The following LRRIQ3 variants were observed in gnomAD, a reference collection of about 807,000 sequenced individuals.
LRRIQ3 encodes leucine-rich repeat and IQ domain-containing protein 3.
LRRIQ3 carries 75 observed loss-of-function variants against 59.3 expected under a neutral mutation model. The ratio of observed to expected loss-of-function variants is 1.26; its 90% CI spans 1.05 to 1.53. The LOEUF (loss-of-function observed/expected upper bound fraction) is 1.53, where lower values mean the gene tolerates loss of function less well. LRRIQ3 is among the 40% of genes most tolerant of loss of function. The probability of loss-of-function intolerance (pLI) is 0.00; values close to 1 mark genes in which losing one functional copy is unlikely to be tolerated. For synonymous variants in LRRIQ3, 250 were observed against 231.3 expected (o/e 1.08, Z -0.73); for missense variants, 831 against 710.0 (o/e 1.17, Z -1.94).
chr1:74,146,332 G>A (rs1647568120), intron 4 of LRRIQ3, among the ~76,000 whole-genome samples: 1 of 152,070 alleles, frequency 6.6e-6, no homozygotes, highest in African/African-American at 2.4e-5. Context: ...CATTATATAT[G>A]TTCCATGATA....
At chr1:74,056,146 AAAATAAATAAATAAATAAATAAAT>A (rs34325293) in intron 6 of LRRIQ3, among the ~76,000 whole-genome samples, 2 of 142,668 alleles carry the variant, frequency 1.4e-5, no homozygotes, top group South Asian at 4.6e-4. Flanking sequence ...ATCTGTCTCA[AAAATAAATAAATAAATAAATAAAT>A]AAATAAATAA....
In LRRIQ3 at chr1:74,136,693, A is replaced by T. The variant is rs193075492; in HGVS notation, c.707+19040T>A. Among the ~76,000 whole-genome samples, 348 of 152,010 alleles carry T rather than the reference A, an allele frequency of 2.3e-3. 2 individuals are homozygous for T. The highest frequency in any genetic ancestry group is 4.0e-3 in the Non-Finnish European group (269 of 67,922). Reference sequence around the variant, plus strand: ...TCTATTACTTTGGTTATTCCAGTCAATTTCTCAGAGGCAAATTGGGAAGAC... The same window carrying T: ...TCTATTACTTTGGTTATTCCAGTCATTTTCTCAGAGGCAAATTGGGAAGAC... On this transcript the variant is annotated intron_variant, in intron 4 of 7. Coordinates refer to ENST00000354431, the MANE Select transcript of LRRIQ3 (RefSeq NM_001105659.2).
intron 4 of LRRIQ3, among the ~76,000 whole-genome samples, chr1:74,142,023 T>C (rs1570196006): frequency 6.6e-6 from 1 of 151,532 alleles, no homozygotes; most frequent in Non-Finnish European, 1.5e-5. Flanking sequence ...CACAAACATA[T>C]ATAACAATTT....
At chr1:74,051,607 C>T (rs1654371254) in intron 6 of LRRIQ3, among the ~76,000 whole-genome samples, 2 of 152,040 alleles carry the variant, frequency 1.3e-5, no homozygotes, top group African/African-American at 2.4e-5. Flanking sequence ...ATTTTCATCA[C>T]CCCAAACAGA....
At chr1:74,122,609 G>A (rs1424777526) in intron 4 of LRRIQ3, among the ~76,000 whole-genome samples, 1 of 152,058 alleles carries the variant, frequency 6.6e-6, no homozygotes, top group Non-Finnish European at 1.5e-5. Flanking sequence ...ATGGTGCTGG[G>A]AAAACTGGCT....
At chr1:74,028,581 T>C (rs1224728587) in intron 7 of LRRIQ3, among the ~76,000 whole-genome samples, 3 of 152,138 alleles carry the variant, frequency 2.0e-5, no homozygotes, top group South Asian at 2.1e-4. Context: ...CATGTGGTGA[T>C]GCCCAGGGTG....
rs190706568 is a variant in LRRIQ3, at chr1:74,122,665, T to C, written c.708-13112A>G. Among the ~76,000 whole-genome samples, 15 of 152,222 alleles carry C rather than the reference T, an allele frequency of 9.9e-5. No homozygotes were observed. The East Asian group carries it at 2.5e-3, about 26-fold the overall frequency. On this transcript the variant is annotated intron_variant, in intron 4 of 7. Coordinates refer to ENST00000354431, the MANE Select transcript of LRRIQ3 (RefSeq NM_001105659.2). The stretch of plus-strand genomic sequence containing the variant: ...AACTGGATGCCTTCCTTACACCTTA[T>C]ACAAAAATTAATTCAAGATGGATTA...
At position 74,183,629 on chromosome 1, in the gene LRRIQ3, T is replaced by C. The variant is rs747685670; in HGVS notation, c.56A>G (p.Tyr19Cys). ...ELTSHEEWSH[Y>C]NENIREGQKD... ...TTGACCTTCTCTTATGTTTTCATTATAGTGACTCCATTCTTCATGACTGGT... is the reference window on the plus strand; with the variant it reads ...TTGACCTTCTCTTATGTTTTCATTACAGTGACTCCATTCTTCATGACTGGT... Residue 19 changes from tyrosine to cysteine, a missense_variant, in exon 2 of 8, where the codon TAT becomes TGT. Transcript: ENST00000354431. The C allele has an allele frequency of 4.3e-6, 7 of 1,611,476 alleles. No individual in the cohort carries two copies. The highest frequency in any genetic ancestry group is 2.7e-5 in the African/African-American group (2 of 74,834).
chr1:74,033,855 C>A (rs1041163563), intron 7 of LRRIQ3, among the ~76,000 whole-genome samples: 7 of 151,914 alleles, frequency 4.6e-5, no homozygotes, highest in Non-Finnish European at 1.0e-4. Context: ...CTCTTCCATG[C>A]TAAGTGATAC....
chr1:74,096,545 A>G (rs1217656426), intron 5 of LRRIQ3, among the ~76,000 whole-genome samples: 1 of 151,870 alleles, frequency 6.6e-6, no homozygotes, highest in Non-Finnish European at 1.5e-5. Context: ...CCTTCTCGCA[A>G]CTCGTTAAAG....
In LRRIQ3 at chr1:74,026,828, A is replaced by G; in HGVS notation, c.1860T>C (p.Asn620=). The change falls in exon 8 of 8, where the codon AAT becomes AAC. Residue 620 remains asparagine, a synonymous_variant. Transcript: ENST00000354431. ...TGGCATTGATTCATTTTATCAGTCC[A>G]TTGGGAACTTTAAAGTCTAAATTTG... ...VKTNLDFKVP[N]GLIK 1 of 1,607,006 alleles carries G rather than the reference A, an allele frequency of 6.2e-7. No individual in the cohort carries two copies. Among genetic ancestry groups the G allele is most frequent in the South Asian group, 1.1e-5 (1 of 90,002 alleles).
chr1:74,118,989 G>T (rs1201735093), intron 4 of LRRIQ3, among the ~76,000 whole-genome samples: 1 of 152,112 alleles, frequency 6.6e-6, no homozygotes, highest in Non-Finnish European at 1.5e-5. Flanking sequence ...AAATTTAAAT[G>T]TTAATCACAT....
In LRRIQ3 at chr1:74,198,145, G is replaced by C. The variant is rs1651362388; in HGVS notation, c.-150C>G. Reference sequence around the variant, plus strand: ...AAGTTCTCCACATCATGGTTTTCCGGGCGCCAGCCAAGGCGCTCCGGGGGC... The same window carrying C: ...AAGTTCTCCACATCATGGTTTTCCGCGCGCCAGCCAAGGCGCTCCGGGGGC... On this transcript the variant is annotated 5_prime_UTR_variant, in exon 1 of 8. Transcript: ENST00000354431. 6.7e-7 allele frequency: 1 copy of C among 1,487,698 alleles called. No individual in the cohort carries two copies. The highest frequency in any genetic ancestry group is 8.9e-7 in the Non-Finnish European group (1 of 1,121,740). 92.2% of individuals were successfully genotyped at this position (1,487,698 alleles called of 1,614,324 possible).
chr1:74,031,294 T>C (rs1010193493), intron 7 of LRRIQ3, among the ~76,000 whole-genome samples: 3 of 152,164 alleles, frequency 2.0e-5, no homozygotes, highest in Non-Finnish European at 4.4e-5. Flanking sequence ...ATCATGCTGC[T>C]ATAAAGACAC....
chr1:74,064,462 A>G (rs1217230980), intron 6 of LRRIQ3, among the ~76,000 whole-genome samples: 1 of 152,016 alleles, frequency 6.6e-6, no homozygotes, highest in East Asian at 1.9e-4. Flanking sequence ...GTGCAATTAC[A>G]TTGTGTTTTA....
intron 6 of LRRIQ3, among the ~76,000 whole-genome samples, chr1:74,056,731 A>G (rs1378725767): frequency 3.3e-5 from 5 of 152,332 alleles, no homozygotes; most frequent in Admixed American, 1.3e-4. Context: ...AAATAAATGG[A>G]AAACTATCCT....
intron 1 of LRRIQ3, among the ~76,000 whole-genome samples, chr1:74,196,004 T>G (rs564999220): frequency 2.1e-4 from 32 of 151,238 alleles, no homozygotes; most frequent in Non-Finnish European, 3.5e-4. Context: ...ATTTTTTAAT[T>G]TTTTTTTTAC....
At chr1:74,144,094 C>T (rs1647401080) in intron 4 of LRRIQ3, among the ~76,000 whole-genome samples, 1 of 151,794 alleles carries the variant, frequency 6.6e-6, no homozygotes, top group African/African-American at 2.4e-5. Flanking sequence ...TTATTCTTTA[C>T]CTATTTGGGC....
At chr1:74,090,170 C>T (rs1218158356) in intron 5 of LRRIQ3, among the ~76,000 whole-genome samples, 2 of 151,980 alleles carry the variant, frequency 1.3e-5, no homozygotes, top group East Asian at 3.9e-4. Flanking sequence ...CTAGCTATAA[C>T]ACTTCCAGAA....
Sources: allele counts gnomAD v4.1 joint callset (sites outside exome capture counted in the v4.1 genomes callset), GRCh38; gene constraint gnomAD v4.1.1; transcripts MANE v1.5; gene names NCBI Gene and HGNC (gene_info 2026-07-23, HGNC 2026-07-21).